NPAS3: variants seen among roughly 807,000 people sequenced by gnomAD.
NPAS3 encodes the protein neuronal PAS domain protein 3.
Under a neutral mutation model 73.1 loss-of-function variants are expected in NPAS3, and 14 were observed. That is an observed-to-expected ratio of 0.19 (90% CI 0.13 to 0.30). The LOEUF (loss-of-function observed/expected upper bound fraction) is 0.30, where lower values mean the gene tolerates loss of function less well. Among genes scored for constraint, NPAS3 ranks in the 10% least tolerant of loss-of-function variants. The pLI, the probability that NPAS3 is intolerant of heterozygous loss-of-function variation, is 1.00. For missense variants in NPAS3, 1,096 were observed against 1,250.0 expected (o/e 0.88, Z 1.86); for synonymous variants, 620 against 541.5 (o/e 1.14, Z -2.01).
intron 2 of NPAS3, among the ~76,000 whole-genome samples, chr14:33,127,081 C>T (rs1293748417): frequency 2.1e-5 from 3 of 142,628 alleles, no homozygotes; most frequent in African/African-American, 2.5e-5. Flanking sequence ...ATTTATTGTT[C>T]CCTGCTTTTG....
chr14:33,208,254 G>T (rs1490266823), intron 2 of NPAS3, among the ~76,000 whole-genome samples: 1 of 152,098 alleles, frequency 6.6e-6, no homozygotes, highest in African/African-American at 2.4e-5. Flanking sequence ...TTATTCAAGG[G>T]TTATTTGAAT....
At position 33,732,237 on chromosome 14, in the gene NPAS3, A is replaced by G. The variant is rs189663547; in HGVS notation, c.734-2977A>G. 1.8e-3 allele frequency among the ~76,000 whole-genome samples: 270 copies of G among 152,190 alleles called. 2 individuals carry two copies. Among genetic ancestry groups the G allele is most frequent in the African/African-American group, 5.9e-3 (247 of 41,536 alleles). ...CACACATGCACGCATGTGCACGCAC[A>G]CACACACACACTTTCTCTTCAGTGC... On this transcript the variant is annotated intron_variant, in intron 6 of 11. Transcript: ENST00000356141.
chr14:33,384,186 T>A (rs1393580463), intron 4 of NPAS3, among the ~76,000 whole-genome samples: 1 of 152,048 alleles, frequency 6.6e-6, no homozygotes, highest in Non-Finnish European at 1.5e-5. Context: ...CAATATTTAA[T>A]AGCTAATAAA....
chr14:33,408,511 G>A (rs1398234343), intron 4 of NPAS3, among the ~76,000 whole-genome samples: 1 of 151,922 alleles, frequency 6.6e-6, no homozygotes, highest in African/African-American at 2.4e-5. Context: ...CTGTATATCT[G>A]GAGGCCATTG....
At position 33,062,290 on chromosome 14, in the gene NPAS3, GA is replaced by G. The variant is rs899600772; in HGVS notation, c.140+6306del. ...ATCTCATTGTTCAATTCCCACCTAT[GA>G]AAAAAAAAAGAAAAAAAAAAAGAAG... On this transcript the variant is annotated intron_variant, in intron 2 of 11. Coordinates refer to ENST00000356141, the Ensembl canonical transcript of NPAS3. 4.2e-3 allele frequency among the ~76,000 whole-genome samples: 481 copies of G among 113,458 alleles called. 7 individuals carry two copies. The highest frequency in any genetic ancestry group is 0.014 in the African/African-American group (459 of 31,984). The allele number at this position is 113,458 out of a possible 152,430, so 74.4% of individuals were successfully genotyped here.
chr14:32,983,372 T>G (rs1003440900), intron 1 of NPAS3, among the ~76,000 whole-genome samples: 1 of 152,172 alleles, frequency 6.6e-6, no homozygotes, highest in Non-Finnish European at 1.5e-5. Flanking sequence ...GATGGAATGA[T>G]TTAGTACATT....
chr14:33,478,214 C>CT (rs1407593744), intron 4 of NPAS3, among the ~76,000 whole-genome samples: 1 of 152,130 alleles, frequency 6.6e-6, no homozygotes, highest in African/African-American at 2.4e-5. Flanking sequence ...TTTTGCACCA[C>CT]TTTAAGCACT....
intron 1 of NPAS3, among the ~76,000 whole-genome samples, chr14:33,022,762 C>T (rs1373472722): frequency 6.6e-6 from 1 of 151,718 alleles, no homozygotes; most frequent in Non-Finnish European, 1.5e-5. Context: ...TGCTCTCCTT[C>T]CCCTAATTCA....
At position 33,279,693 on chromosome 14, in the gene NPAS3, C is replaced by T. The variant is rs555414117; in HGVS notation, c.385+64267C>T. On this transcript the variant is annotated intron_variant, in intron 3 of 11. Transcript: ENST00000356141. ...GGGTAGAGAGCTTTTTAGCATAACT[C>T]GGAGCACATAGGCAATCAAGAAAAC... Among the ~76,000 whole-genome samples, 7 of 152,152 alleles carry T rather than the reference C, an allele frequency of 4.6e-5. No individual in the cohort carries two copies. In the East Asian group the frequency reaches 5.8e-4, roughly 13 times the overall value.
At chr14:33,196,336 C>G (rs2046350795) in intron 2 of NPAS3, among the ~76,000 whole-genome samples, 1 of 152,192 alleles carries the variant, frequency 6.6e-6, no homozygotes, top group Non-Finnish European at 1.5e-5. Context: ...ATAGCATGAA[C>G]GGCAAAGATG....
chr14:33,292,558 A>G (rs573824402), intron 3 of NPAS3, among the ~76,000 whole-genome samples: 1 of 152,340 alleles, frequency 6.6e-6, no homozygotes, highest in African/African-American at 2.4e-5. Flanking sequence ...TATGTTTTAC[A>G]GAAAAAAAAT....
intron 3 of NPAS3, among the ~76,000 whole-genome samples, chr14:33,269,889 A>G (rs1209405102): frequency 1.3e-5 from 2 of 152,204 alleles, no homozygotes; most frequent in African/African-American, 2.4e-5. Flanking sequence ...TATGCAAATT[A>G]CAAAGTGACA....
chr14:33,548,025 G>A (rs1240068990), intron 4 of NPAS3, among the ~76,000 whole-genome samples: 1 of 152,198 alleles, frequency 6.6e-6, no homozygotes, highest in Non-Finnish European at 1.5e-5. Flanking sequence ...CATGTGCCCA[G>A]CTCTTAAAAG....
At chr14:33,159,630 C>T (rs1478292306) in intron 2 of NPAS3, among the ~76,000 whole-genome samples, 3 of 150,566 alleles carry the variant, frequency 2.0e-5, no homozygotes, top group South Asian at 2.1e-4. Context: ...CTTGGCTCAC[C>T]GCAAACTCCG....
rs145531514 is a variant in NPAS3, at chr14:33,599,471, T to G, written c.558+39261T>G. ...AAGGCATATAAACTAATGATCTGGT[T>G]AAGGTCCCCTGTGCACCATAATAAA... On this transcript the variant is annotated intron_variant, in intron 5 of 11. Transcript: ENST00000356141. Among the ~76,000 whole-genome samples the G allele has an allele frequency of 6.6e-5, 10 of 152,318 alleles. No homozygotes were observed. In the East Asian group the frequency reaches 1.9e-3, roughly 29 times the overall value.
At chr14:33,617,663 T>C (rs533769971) in intron 5 of NPAS3, among the ~76,000 whole-genome samples, 2 of 152,370 alleles carry the variant, frequency 1.3e-5, no homozygotes, top group East Asian at 3.8e-4. Flanking sequence ...CCCTGAGATT[T>C]GCTCTGAATG....
At chr14:33,651,476 G>A (rs2058992623) in intron 5 of NPAS3, among the ~76,000 whole-genome samples, 1 of 151,976 alleles carries the variant, frequency 6.6e-6, no homozygotes, top group South Asian at 2.1e-4. Context: ...TTAGGTTAGG[G>A]AAATTGAAAT....
intron 2 of NPAS3, among the ~76,000 whole-genome samples, chr14:33,156,909 T>G (rs944782906): frequency 1.3e-5 from 2 of 152,190 alleles, no homozygotes; most frequent in Admixed American, 6.5e-5. Context: ...CAGCTTGCAT[T>G]ATTAACTGAT....
intron 3 of NPAS3, among the ~76,000 whole-genome samples, chr14:33,300,522 G>A (rs2042486266): frequency 6.6e-6 from 1 of 152,224 alleles, no homozygotes; most frequent in African/African-American, 2.4e-5. Context: ...ACTTTAAAGT[G>A]ACACTGCAAA....
Sources: gnomAD v4.1 joint callset for allele counts (sites outside exome capture counted in the v4.1 genomes callset) on GRCh38, gnomAD v4.1.1 for gene constraint, MANE v1.5 for transcripts, NCBI Gene and HGNC (gene_info 2026-07-23, HGNC 2026-07-21) for gene names.